SEMA3C: variants seen among roughly 807,000 people sequenced by gnomAD.
The protein encoded by SEMA3C is semaphorin 3C.
Under a neutral mutation model 89.4 loss-of-function variants are expected in SEMA3C, and 47 were observed. That is an observed-to-expected ratio of 0.53 (90% confidence interval 0.42 to 0.67). The LOEUF (loss-of-function observed/expected upper bound fraction) is 0.67. Ranked by LOEUF, SEMA3C falls within the 30% of genes least tolerant of loss-of-function variation. The pLI, the probability that SEMA3C is intolerant of heterozygous loss-of-function variation, is 0.00. For synonymous variants in SEMA3C, 310 were observed against 320.2 expected, an observed-to-expected ratio of 0.97 and a Z score of 0.34; for missense variants, 839 against 929.1, an observed-to-expected ratio of 0.90 and a Z score of 1.26.
chr7:80,759,103 T>C (rs1315270508), intron 14 of SEMA3C, among the ~76,000 whole-genome samples: 2 of 152,172 alleles, frequency 1.3e-5, no homozygotes, highest in Admixed American at 6.6e-5. Context: ...ATCTTCATCA[T>C]CCTAAAAACC....
At chr7:80,760,405 C>G (rs1788159021) in intron 14 of SEMA3C, among the ~76,000 whole-genome samples, 1 of 152,188 alleles carries the variant, frequency 6.6e-6, no homozygotes, top group South Asian at 2.1e-4. Context: ...ACTTCAAAGA[C>G]AATCCTGACT....
At chr7:80,846,004 T>A (rs553177856) in intron 2 of SEMA3C, among the ~76,000 whole-genome samples, 1 of 152,328 alleles carries the variant, frequency 6.6e-6, no homozygotes, top group African/African-American at 2.4e-5. Context: ...GGACTTTCTT[T>A]TTCTCAAAAA....
At chr7:80,896,003 T>C (rs1011332923) in intron 2 of SEMA3C, among the ~76,000 whole-genome samples, 13 of 150,210 alleles carry the variant, frequency 8.7e-5, no homozygotes, top group African/African-American at 3.3e-4. Context: ...AAAAAGAAAA[T>C]ATAGATAATA....
chr7:80,761,525 A>G, intron 14 of SEMA3C, 91 bp downstream of exon 14: 2 of 705,176 alleles, frequency 2.8e-6, no homozygotes, highest in Non-Finnish European at 4.6e-6. Flanking sequence ...TGTTAGTACG[A>G]TAACTAATTA....
intron 2 of SEMA3C, among the ~76,000 whole-genome samples, chr7:80,897,112 T>C (rs1791757508): frequency 6.6e-6 from 1 of 152,190 alleles, no homozygotes; most frequent in Non-Finnish European, 1.5e-5. Flanking sequence ...TTAGCAATTC[T>C]ACTCAATTCT....
intron 10 of SEMA3C, among the ~76,000 whole-genome samples, chr7:80,799,144 G>C (rs1454470259): frequency 6.6e-6 from 1 of 152,090 alleles, no homozygotes; most frequent in African/African-American, 2.4e-5. Context: ...AGACTACTTA[G>C]AACAGGAGTT....
At chr7:80,919,534 G>A (rs1156906002), upstream of SEMA3C, among the ~76,000 whole-genome samples, 2 of 151,552 alleles carry the variant, frequency 1.3e-5, no homozygotes, top group East Asian at 1.9e-4. Flanking sequence ...TTAAAAGGAC[G>A]TGAGTTTTGT....
intron 2 of SEMA3C, among the ~76,000 whole-genome samples, chr7:80,877,040 C>T (rs928938306): frequency 1.3e-5 from 2 of 152,160 alleles, no homozygotes; most frequent in African/African-American, 2.4e-5. Context: ...ACAGGCAGGG[C>T]GCCATCTGTC....
chr7:80,853,964 TA>T (rs1281444621), intron 2 of SEMA3C, among the ~76,000 whole-genome samples: 1 of 151,472 alleles, frequency 6.6e-6, no homozygotes, highest in Non-Finnish European at 1.5e-5. Context: ...AAAAAAAATG[TA>T]AAAAGGAGAT....
chr7:80,747,468 T>C (rs1204226895), intron 17 of SEMA3C, among the ~76,000 whole-genome samples: 1 of 152,172 alleles, frequency 6.6e-6, no homozygotes, highest in Non-Finnish European at 1.5e-5. Context: ...CCAATTCACA[T>C]ATATACATAT....
At chr7:80,885,447 C>A (rs917343078) in intron 2 of SEMA3C, among the ~76,000 whole-genome samples, 6 of 151,956 alleles carry the variant, frequency 3.9e-5, no homozygotes, top group Non-Finnish European at 7.4e-5. Context: ...CAAACCCCAT[C>A]TCTACAAAGA....
intron 13 of SEMA3C, among the ~76,000 whole-genome samples, chr7:80,761,998 A>G (rs561235412): frequency 4.0e-5 from 6 of 149,982 alleles, no homozygotes; most frequent in African/African-American, 1.5e-4. Context: ...CTGAGGCAGG[A>G]GAATTGCTTG....
chr7:80,818,313 C>T lies in SEMA3C; in HGVS notation c.433G>A (p.Gly145Arg). The T allele has an allele frequency of 1.9e-6, 3 of 1,608,256 alleles. No individual in the cohort carries two copies. The highest frequency in any genetic ancestry group is 2.6e-6 in the Non-Finnish European group (3 of 1,175,582). Residue 145 changes from glycine to arginine, a missense_variant, in exon 5 of 18, where the codon GGG (glycine) becomes AGG (arginine). By Grantham distance (125) the Gly-to-Arg change is moderately radical. Coordinates refer to ENST00000265361, the MANE Select transcript of SEMA3C (RefSeq NM_006379.5). ...FSPVCTYLNR[G>R]RRSEDQVFMI... ...GTTATACTTACCTCTGATCTCCTCC[C>T]TCTGTTCAAGTAAGTACAGACAGGA...
intron 1 of SEMA3C, among the ~76,000 whole-genome samples, chr7:80,917,659 C>A (rs1311817369): frequency 6.6e-6 from 1 of 152,092 alleles, no homozygotes; most frequent in Non-Finnish European, 1.5e-5. Flanking sequence ...AATGTGTTAC[C>A]ATAAACCTAC....
At chr7:80,884,444 T>C (rs1279578058) in intron 2 of SEMA3C, among the ~76,000 whole-genome samples, 2 of 152,162 alleles carry the variant, frequency 1.3e-5, no homozygotes, top group South Asian at 2.1e-4. Context: ...TCTGTAAATA[T>C]ATCCGATTTT....
chr7:80,839,977 TACTTTTAGTCAGC>T (rs1481958819), intron 2 of SEMA3C, among the ~76,000 whole-genome samples: 1 of 152,158 alleles, frequency 6.6e-6, no homozygotes, highest in Non-Finnish European at 1.5e-5. Context: ...TTCCAGTGGG[TACTTTTAGTCAGC>T]ACACTTAATT....
At chr7:80,897,326 A>G (rs1791763355) in intron 2 of SEMA3C, among the ~76,000 whole-genome samples, 1 of 152,134 alleles carries the variant, frequency 6.6e-6, no homozygotes, top group South Asian at 2.1e-4. Context: ...AAATATCAAC[A>G]TCCTTTCCTT....
chr7:80,795,500 T>C (rs1789041070), intron 11 of SEMA3C, among the ~76,000 whole-genome samples: 1 of 152,138 alleles, frequency 6.6e-6, no homozygotes, highest in Non-Finnish European at 1.5e-5. Flanking sequence ...CAGATGTGTG[T>C]TGCTAACCCT....
chr7:80,801,161 C>T (rs1039333148), intron 9 of SEMA3C, among the ~76,000 whole-genome samples: 3 of 151,898 alleles, frequency 2.0e-5, no homozygotes, highest in African/African-American at 7.2e-5. Flanking sequence ...ATAAGATTAA[C>T]AGTGAGTGTT....
Sources: allele counts gnomAD v4.1 joint callset (sites outside exome capture counted in the v4.1 genomes callset), GRCh38; gene constraint gnomAD v4.1.1; transcripts MANE v1.5; gene names NCBI Gene and HGNC (gene_info 2026-07-23, HGNC 2026-07-21).